LSM11: variants seen among roughly 807,000 people sequenced by gnomAD.
LSM11 encodes the protein U7 snRNA-associated Sm-like protein LSm11.
LSM11 carries 14 observed loss-of-function variants against 28.1 expected under a neutral mutation model. The observed-to-expected ratio is 0.50, with a 90% CI of 0.33 to 0.78. The LOEUF is 0.78. Ranked by LOEUF, LSM11 falls within the 30% of genes least tolerant of loss-of-function variation. LSM11 has a pLI of 0.02. For missense variants in LSM11, 495 were observed against 510.6 expected, an observed-to-expected ratio of 0.97 and a Z score of 0.30; for synonymous variants, 207 against 214.2, an observed-to-expected ratio of 0.97 and a Z score of 0.30.
At chr5:157,754,206 C>T in intron 3 of LSM11, 119 bp downstream of exon 3, 2 of 591,052 alleles carry the variant, frequency 3.4e-6, no homozygotes, top group Non-Finnish European at 5.6e-6. Flanking sequence ...TATAAACCAG[C>T]TGTGCCTGTA....
At position 157,756,685 on chromosome 5, in the gene LSM11, C is replaced by G. The variant is rs1761332863; in HGVS notation, c.*1421C>G. On this transcript the variant is annotated 3_prime_UTR_variant, in exon 4 of 4. Coordinates refer to ENST00000286307, the MANE Select transcript of LSM11 (RefSeq NM_173491.4). ...CAATGAAAAGGTGAGCAGACTTAAC[C>G]CCTCCGTGCCTCAGCTTTTTCCCCA... 6.6e-6 allele frequency: 1 copy of G among 152,470 alleles called. No homozygotes were observed. Among genetic ancestry groups the G allele is most frequent in the African/African-American group, 2.4e-5 (1 of 41,368 alleles). The allele number at this position is 152,470 out of a possible 1,614,324, so 9.4% of individuals were successfully genotyped here. A position where few individuals can be genotyped will look rare whatever the true frequency, so the allele number is the denominator to read the frequency against.
Position 157,755,094 on chromosome 5 carries a change from G to A in LSM11, c.913G>A (p.Asp305Asn), listed in dbSNP as rs1345136850. Residue 305 changes from aspartate (D) to asparagine (N), a missense_variant, in exon 4 of 4, where the codon GAC becomes AAC. Physicochemically the swap from Asp to Asn is conservative, Grantham distance 23. Transcript: ENST00000286307. ...SELSGRTTRT[D>N]GSSVGGTFSR... is the part of the protein sequence containing the mutation. ...GCTGTCAGGGAGGACTACACGGACAGACGGCTCCAGTGTGGGAGGTACCTT... is the reference window on the plus strand; with the variant it reads ...GCTGTCAGGGAGGACTACACGGACAAACGGCTCCAGTGTGGGAGGTACCTT... 1.2e-6 allele frequency: 2 copies of A among 1,614,268 alleles called. No homozygotes were observed. The highest frequency in any genetic ancestry group is 1.7e-6 in the Non-Finnish European group (2 of 1,180,052).
Position 157,743,937 on chromosome 5 carries a change from C to A in LSM11, c.187C>A (p.Leu63Ile). The A allele has an allele frequency of 6.9e-7, 1 of 1,444,712 alleles. No individual in the cohort carries two copies. Among genetic ancestry groups the A allele is most frequent in the Non-Finnish European group, 9.1e-7 (1 of 1,093,920 alleles). The allele number at this position is 1,444,712 out of a possible 1,614,324, so 89.5% of individuals were successfully genotyped here. A position where few individuals can be genotyped will look rare whatever the true frequency, so the allele number is the denominator to read the frequency against. The change falls in exon 1 of 4, where the codon CTC (leucine) becomes ATC (isoleucine). Residue 63 changes from leucine (L) to isoleucine (I), a missense_variant. Physicochemically the swap from Leu to Ile is conservative, Grantham distance 5. Transcript: ENST00000286307. ...FNNVAEYESF[L>I]RTGVRGGGRG... ...CAACGTGGCGGAGTACGAGAGCTTC[C>A]TCAGGACCGGAGTCCGGGGCGGCGG...
At chr5:157,744,436 G>T (rs1197204350) in intron 1 of LSM11, among the ~76,000 whole-genome samples, 1 of 152,162 alleles carries the variant, frequency 6.6e-6, no homozygotes, top group Non-Finnish European at 1.5e-5. Flanking sequence ...AGCAACAGAG[G>T]GAGAGTGGTA....
At chr5:157,754,831 A>G (rs1761296708) in intron 3 of LSM11, 23 bp from the exon 4 acceptor site, 13 of 1,595,422 alleles carry the variant, frequency 8.1e-6, no homozygotes, top group African/African-American at 1.3e-5. Flanking sequence ...GAAGGCTAAT[A>G]TTTATCATTG....
rs577603595 is a variant in LSM11, at chr5:157,755,643, G to T, written c.*379G>T. The T allele has an allele frequency of 2.3e-6, 1 of 426,708 alleles. No homozygotes were observed. The highest frequency in any genetic ancestry group is 2.0e-5 in the African/African-American group (1 of 49,120). The allele number at this position is 426,708 out of a possible 1,614,324, so 26.4% of individuals were successfully genotyped here. On this transcript the variant is annotated 3_prime_UTR_variant, in exon 4 of 4. Transcript: ENST00000286307. ...AAAAAGAAGTATTGCATGTCTAAAAGCTAGTGCCCTGAGTACTCATGAATT... is the reference window on the plus strand; with the variant it reads ...AAAAAGAAGTATTGCATGTCTAAAATCTAGTGCCCTGAGTACTCATGAATT...
At position 157,743,814 on chromosome 5, in the gene LSM11, C is replaced by T. The variant is rs1419220309; in HGVS notation, c.64C>T (p.Pro22Ser). Reference protein sequence around the residue: ...GAGSPARPPSPRLDVSSDSFD... With the variant: ...GAGSPARPPSSRLDVSSDSFD... The stretch of plus-strand genomic sequence containing the variant: ...CGGGAGCCCCGCGCGCCCGCCCAGC[C>T]CGCGGCTGGATGTCAGCTCTGACAG... The change falls in exon 1 of 4, where the codon CCG (proline) becomes TCG (serine). Residue 22 changes from proline to serine, a missense_variant. Pro to Ser is a moderately conservative substitution (Grantham distance 74, BLOSUM62 -1). Transcript: ENST00000286307. The T allele has an allele frequency of 1.3e-6, 2 of 1,512,968 alleles. No homozygotes were observed. Among genetic ancestry groups the T allele is most frequent in the African/African-American group, 1.4e-5 (1 of 69,048 alleles). 93.7% of individuals were successfully genotyped at this position (1,512,968 alleles called of 1,614,324 possible).
rs1266267508 is a variant in LSM11, at chr5:157,744,018, C to A, written c.268C>A (p.Pro90Thr). Reference protein sequence around the residue: ...AAAGSGVPAAPGPSGRTRRRP... With the variant: ...AAAGSGVPAATGPSGRTRRRP... ...CGCGGGCTCTGGGGTTCCCGCCGCACCCGGGCCCTCGGGCAGGACTCGTCG... is the reference window on the plus strand; with the variant it reads ...CGCGGGCTCTGGGGTTCCCGCCGCAACCGGGCCCTCGGGCAGGACTCGTCG... Residue 90 changes from proline to threonine, a missense_variant, in exon 1 of 4, where the codon CCC becomes ACC. By Grantham distance (38) the Pro-to-Thr change is conservative. Transcript: ENST00000286307. 2.2e-6 allele frequency: 3 copies of A among 1,353,132 alleles called. No individual in the cohort carries two copies. In the African/African-American group the frequency reaches 4.6e-5, roughly 21 times the overall value. 83.8% of individuals were successfully genotyped at this position (1,353,132 alleles called of 1,614,324 possible). A position where few individuals can be genotyped will look rare whatever the true frequency, so the allele number is the denominator to read the frequency against.
intron 1 of LSM11, among the ~76,000 whole-genome samples, chr5:157,747,026 C>A (rs1761158375): frequency 6.6e-6 from 1 of 152,178 alleles, no homozygotes. Flanking sequence ...ATCACTGATA[C>A]CAACAAAGAA....
Position 157,754,974 on chromosome 5 carries a change from T to C in LSM11, c.793T>C (p.Trp265Arg). ...QTSTWKLASV[W>R]GRADTGRGSH... ...ATCCACTTGGAAGTTGGCTTCAGTG[T>C]GGGGAAGAGCAGACACTGGCCGGGG... Residue 265 changes from tryptophan (W) to arginine (R), a missense_variant, in exon 4 of 4, where the codon TGG becomes CGG. Trp to Arg is a moderately radical substitution (Grantham distance 101). Coordinates refer to ENST00000286307, the MANE Select transcript of LSM11 (RefSeq NM_173491.4). 1 of 1,614,182 alleles carries C rather than the reference T, an allele frequency of 6.2e-7. No individual in the cohort carries two copies. Among genetic ancestry groups the C allele is most frequent in the South Asian group, 1.1e-5 (1 of 91,090 alleles).
chr5:157,754,196 T>A, intron 3 of LSM11, 109 bp downstream of exon 3: 1 of 676,146 alleles, frequency 1.5e-6, no homozygotes, highest in Non-Finnish European at 2.3e-6. Context: ...TCTCTGTTGC[T>A]ATAAACCAGC....
intron 2 of LSM11, among the ~76,000 whole-genome samples, chr5:157,753,766 A>G (rs1372027795): frequency 6.6e-6 from 1 of 152,224 alleles, no homozygotes; most frequent in Non-Finnish European, 1.5e-5. Context: ...CCATGCAGTC[A>G]TAAAGGCCCT....
In LSM11 at chr5:157,755,167, G is replaced by GA; in HGVS notation, c.989dup (p.Pro331AlafsTer36). ...AGAGGCCAGTCCCGTAAGAAAAAGC[G>GA]AAAGCCCAAAGTGGATTACCAGCAG... On this transcript the variant is annotated frameshift_variant, in exon 4 of 4. Coordinates refer to ENST00000286307, the MANE Select transcript of LSM11 (RefSeq NM_173491.4). LOFTEE classifies it high-confidence loss of function. 6.2e-7 allele frequency: 1 copy of GA among 1,614,224 alleles called. No individual in the cohort carries two copies. The highest frequency in any genetic ancestry group is 1.3e-5 in the African/African-American group (1 of 75,066).
intron 1 of LSM11, 107 bp from the exon 2 acceptor site, chr5:157,751,283 C>T: frequency 7.9e-7 from 1 of 1,272,042 alleles, no homozygotes; most frequent in Non-Finnish European, 1.1e-6. Context: ...GAGATTGTCA[C>T]TCTACCATGG....
intron 1 of LSM11, among the ~76,000 whole-genome samples, chr5:157,750,527 G>T (rs1050956258): frequency 1.5e-4 from 23 of 152,208 alleles, no homozygotes; most frequent in African/African-American, 4.1e-4. Context: ...CAGAACCAGT[G>T]CTTTTCCTCC....
rs996314036 is a variant in LSM11 at position 157,759,020 on chromosome 5, A to G, written c.*3756A>G. On this transcript the variant is annotated 3_prime_UTR_variant, in exon 4 of 4. Transcript: ENST00000286307. ...GCTTCCTTCCAGGGACCATCTTATG[A>G]TCAGAGGCAGGATGTCTGTGAGATG... The G allele has an allele frequency of 1.3e-5, 2 of 152,224 alleles. No homozygotes were observed. Among genetic ancestry groups the G allele is most frequent in the Non-Finnish European group, 2.9e-5 (2 of 68,054 alleles). The allele number at this position is 152,224 out of a possible 1,614,324, so 9.4% of individuals were successfully genotyped here. A position where few individuals can be genotyped will look rare whatever the true frequency, so the allele number is the denominator to read the frequency against.
chr5:157,753,701 C>T (rs989777673), intron 2 of LSM11, among the ~76,000 whole-genome samples: 9 of 152,090 alleles, frequency 5.9e-5, no homozygotes, highest in East Asian at 1.9e-4. Flanking sequence ...GCTTTGGGTT[C>T]GTATTTTAAT....
At chr5:157,747,857 A>G (rs1478997603) in intron 1 of LSM11, 2 of 152,252 alleles carry the variant, frequency 1.3e-5, no homozygotes, top group Admixed American at 6.5e-5. Context: ...AACCGAGAAC[A>G]GCGGTACTTA....
chr5:157,751,432 G>A lies in LSM11; in HGVS notation c.491G>A (p.Arg164His), dbSNP rs185740955. 2.9e-5 allele frequency: 46 copies of A among 1,611,740 alleles called. No homozygotes were observed. Among genetic ancestry groups the A allele is most frequent in the Admixed American group, 8.4e-5 (5 of 59,394 alleles). ...SPLGELHRCI[R>H]EGVKVNVHIR... ...CTGGGTGAACTCCATCGCTGTATCC[G>A]TGAGGGGGTGAAGGTGAATGTTCAC... Residue 164 changes from arginine to histidine, a missense_variant, in exon 2 of 4, where the codon CGT becomes CAT. Arg to His is a conservative substitution (Grantham distance 29). Coordinates refer to ENST00000286307, the MANE Select transcript of LSM11 (RefSeq NM_173491.4).
Sources: gnomAD v4.1 joint callset for allele counts (sites outside exome capture counted in the v4.1 genomes callset) on GRCh38, gnomAD v4.1.1 for gene constraint, MANE v1.5 for transcripts, NCBI Gene and HGNC (gene_info 2026-07-23, HGNC 2026-07-21) for gene names.